The following KANK1 variants were observed in gnomAD, a reference collection of about 807,000 sequenced individuals.
KANK1 encodes the protein KN motif and ankyrin repeat domain-containing protein 1.
A neutral mutation model predicts 106.2 loss-of-function variants in KANK1; 109 were observed. That is an observed-to-expected ratio of 1.03 (90% CI 0.88 to 1.20). The LOEUF is 1.20. Ranked by LOEUF, KANK1 falls within the 50% of genes most tolerant of loss-of-function variation. The probability of loss-of-function intolerance (pLI) is 0.00; values close to 1 mark genes in which losing one functional copy is unlikely to be tolerated. For missense variants in KANK1, 2,399 were observed against 1,710.7 expected, an observed-to-expected ratio of 1.40 and a Z score of -7.10; for synonymous variants, 873 against 652.2, an observed-to-expected ratio of 1.34 and a Z score of -5.16.
intron 3 of KANK1, among the ~76,000 whole-genome samples, chr9:499,551 G>A (rs1040503121): frequency 6.6e-6 from 1 of 152,100 alleles, no homozygotes; most frequent in Non-Finnish European, 1.5e-5. Flanking sequence ...GCTACCAACT[G>A]CCATCCTTGC....
At chr9:685,000 G>T (rs1467429987) in intron 2 of KANK1, among the ~76,000 whole-genome samples, 5 of 152,138 alleles carry the variant, frequency 3.3e-5, no homozygotes, top group African/African-American at 9.7e-5. Flanking sequence ...CATTCAAACA[G>T]TTGTAGAAAT....
intron 3 of KANK1, among the ~76,000 whole-genome samples, chr9:717,279 C>T (rs1359983745): frequency 2.6e-5 from 4 of 151,506 alleles, no homozygotes; most frequent in African/African-American, 4.9e-5. Flanking sequence ...GAGACCCTGT[C>T]TCAAAAAAAG....
intron 1 of KANK1, among the ~76,000 whole-genome samples, chr9:626,754 T>G (rs997997314): frequency 6.6e-6 from 1 of 152,186 alleles, no homozygotes; most frequent in African/African-American, 2.4e-5. Flanking sequence ...AAGCACACAG[T>G]ACTCTCACAT....
rs17853810 is a variant in KANK1 at position 713,373 on chromosome 9, C to T, written c.2607C>T (p.Thr869=). 12 of 1,613,966 alleles carry T rather than the reference C, an allele frequency of 7.4e-6. No homozygotes were observed. In the Admixed American group the frequency reaches 1.0e-4, roughly 13 times the overall value. The change falls in exon 3 of 12, where the codon ACC becomes ACT. Residue 869 remains threonine, a synonymous_variant. Transcript: ENST00000382297. Reference sequence around the variant, plus strand: ...CCCTCAACTCTCAGCTCATCAGCACCCTGTCGTCTATCAACTCTGTCATGA... The same window carrying T: ...CCCTCAACTCTCAGCTCATCAGCACTCTGTCGTCTATCAACTCTGTCATGA... ...MGSLNSQLIS[T]LSSINSVMKS...
At chr9:625,681 A>G (rs1020539515) in intron 1 of KANK1, among the ~76,000 whole-genome samples, 5 of 152,190 alleles carry the variant, frequency 3.3e-5, no homozygotes, top group African/African-American at 1.2e-4. Context: ...GCCCCCATAG[A>G]AACATTCTGA....
intron 2 of KANK1, among the ~76,000 whole-genome samples, chr9:695,023 C>G (rs1820893375): frequency 6.6e-6 from 1 of 152,164 alleles, no homozygotes; most frequent in African/African-American, 2.4e-5. Context: ...CCACTGACCC[C>G]CCTCATTTTA....
At chr9:560,833 A>G (rs1389265227) in intron 1 of KANK1, among the ~76,000 whole-genome samples, 13 of 152,144 alleles carry the variant, frequency 8.5e-5, no homozygotes, top group Admixed American at 5.2e-4. Flanking sequence ...CAAATACACA[A>G]TTAAGCTCTA....
chr9:707,258 T>TGCGA, intron 2 of KANK1: 5 of 984,504 alleles, frequency 5.1e-6, no homozygotes, highest in Non-Finnish European at 6.0e-6. Flanking sequence ...GTAGGTGAGC[T>TGCGA]GCGAGCGGCG....
In KANK1 at chr9:732,609, C is replaced by T. The variant is rs372628779; in HGVS notation, c.3237C>T (p.Ile1079=). The part of the protein sequence containing the change: ...VQECEPEKVE[I]RERYELSEKM... ...AATGTGAACCTGAGAAGGTGGAAAT[C>T]AGAGAGAGGTGTGGTACATTCCCCT... is the stretch of plus-strand genomic sequence containing the variant. Residue 1079 remains isoleucine (I), a synonymous_variant, in exon 6 of 12, where the codon ATC becomes ATT. Transcript: ENST00000382297. The T allele has an allele frequency of 1.2e-6, 2 of 1,613,802 alleles. No individual in the cohort carries two copies. Among genetic ancestry groups the T allele is most frequent in the African/African-American group, 1.3e-5 (1 of 74,930 alleles).
At chr9:532,364 C>CTTT (rs1187078952) in intron 1 of KANK1, among the ~76,000 whole-genome samples, 9,970 of 81,606 alleles carry the variant, frequency 0.12, 928 homozygotes, top group East Asian at 0.27. Context: ...GCCTCAAGCA[C>CTTT]TTTTTTTTTT....
At chr9:507,516 A>C (rs544282690) in intron 1 of KANK1, among the ~76,000 whole-genome samples, 9 of 151,396 alleles carry the variant, frequency 5.9e-5, no homozygotes, top group Non-Finnish European at 1.3e-4. Flanking sequence ...CAGCCTCCCA[A>C]GTAGCTGGGA....
chr9:616,592 G>T (rs1050966983), intron 1 of KANK1, among the ~76,000 whole-genome samples: 1 of 152,112 alleles, frequency 6.6e-6, no homozygotes, highest in East Asian at 1.9e-4. Context: ...TTCCATCCAG[G>T]CTTGGCTTTA....
intron 1 of KANK1, among the ~76,000 whole-genome samples, chr9:643,543 A>ATTTTTTTTT (rs774468238): frequency 9.8e-6 from 1 of 102,460 alleles, no homozygotes. Flanking sequence ...TTTCTTTTTG[A>ATTTTTTTTT]TTTTTTTTTT....
At chr9:581,350 G>A (rs529265102) in intron 1 of KANK1, among the ~76,000 whole-genome samples, 2 of 152,314 alleles carry the variant, frequency 1.3e-5, no homozygotes, top group South Asian at 4.1e-4. Context: ...TGGCATTGGT[G>A]GCAAGTGAGA....
At chr9:734,446 A>G (rs554052136) in intron 6 of KANK1, 1 of 255,852 alleles carries the variant, frequency 3.9e-6, no homozygotes, top group East Asian at 8.6e-5. Flanking sequence ...CAGGTGGATC[A>G]CCTGAGGTCA....
intron 1 of KANK1, among the ~76,000 whole-genome samples, chr9:583,245 A>G (rs565978910): frequency 1.8e-4 from 27 of 152,264 alleles, no homozygotes; most frequent in African/African-American, 6.3e-4. Context: ...AAATCTAACT[A>G]TCACTTTATT....
intron 2 of KANK1, among the ~76,000 whole-genome samples, chr9:704,355 G>A (rs1823463255): frequency 6.6e-6 from 1 of 152,138 alleles, no homozygotes; most frequent in South Asian, 2.1e-4. Flanking sequence ...CCCTAGATAT[G>A]AACTCATGTT....
chr9:546,715 T>G (rs2060955734), intron 1 of KANK1, among the ~76,000 whole-genome samples: 1 of 151,508 alleles, frequency 6.6e-6, no homozygotes, highest in African/African-American at 2.4e-5. Context: ...TCTTGTGTCC[T>G]TATTTCTGTT....
chr9:738,613 C>G (rs963016217), intron 8 of KANK1, 109 bp downstream of exon 8: 14 of 811,864 alleles, frequency 1.7e-5, no homozygotes, highest in East Asian at 2.6e-5. Flanking sequence ...TGCTAAAATC[C>G]TTTTTATTGC....
Sources: allele counts gnomAD v4.1 joint callset (sites outside exome capture counted in the v4.1 genomes callset), GRCh38; gene constraint gnomAD v4.1.1; transcripts MANE v1.5; gene names NCBI Gene and HGNC (gene_info 2026-07-23, HGNC 2026-07-21).